Variants in GALNTL6 observed in about 807,000 individuals in gnomAD.
GALNTL6 encodes polypeptide N-acetylgalactosaminyltransferase like 6, also known as polypeptide N-acetylgalactosaminyltransferase-like 6.
A neutral mutation model predicts 73.7 loss-of-function variants in GALNTL6; 46 were observed. The observed-to-expected ratio is 0.62, with a 90% CI of 0.49 to 0.80. The LOEUF (loss-of-function observed/expected upper bound fraction) is 0.80, where lower values mean the gene tolerates loss of function less well. GALNTL6 is among the 30% of genes least tolerant of loss of function. The probability of loss-of-function intolerance (pLI) is 0.00; values close to 1 mark genes in which losing one functional copy is unlikely to be tolerated. For missense variants in GALNTL6, 604 were observed against 755.0 expected (o/e 0.80, Z 2.34); for synonymous variants, 259 against 263.7 (o/e 0.98, Z 0.17).
intron 7 of GALNTL6, among the ~76,000 whole-genome samples, chr4:172,822,570 G>C (rs1425548292): frequency 3.9e-5 from 6 of 152,072 alleles, no homozygotes; most frequent in Non-Finnish European, 7.4e-5. Context: ...TTGGACTTCT[G>C]ATCTCATTCT....
At position 171,945,786 on chromosome 4, in the gene GALNTL6, G is replaced by A. The variant is rs539916526; in HGVS notation, c.138+131068G>A. 7.9e-5 allele frequency among the ~76,000 whole-genome samples: 12 copies of A among 152,126 alleles called. No individual in the cohort carries two copies. In the East Asian group the frequency reaches 2.1e-3, roughly 27 times the overall value. On this transcript the variant is annotated intron_variant, in intron 2 of 12. Transcript: ENST00000506823. ...CCACATTTAATTGTTTTTCAGTCTG[G>A]CTTTTGATATCAGGCTCAAAATTTG...
At chr4:172,547,136 A>G (rs1275567917) in intron 5 of GALNTL6, among the ~76,000 whole-genome samples, 1 of 151,990 alleles carries the variant, frequency 6.6e-6, no homozygotes, top group Non-Finnish European at 1.5e-5. Context: ...CTGTTGTCAA[A>G]TCTTTGAGAT....
rs138308647 is a variant in GALNTL6 at position 172,711,789 on chromosome 4, T to C, written c.554-97572T>C. Among the ~76,000 whole-genome samples the C allele has an allele frequency of 3.4e-3, 523 of 152,238 alleles. 7 individuals carry two copies. Among genetic ancestry groups the C allele is most frequent in the African/African-American group, 0.012 (480 of 41,554 alleles). ...GCTAGAGACAGGCACAAAGTCAACA[T>C]ACATATGGTCTTAAAGTCTATTAAC... On this transcript the variant is annotated intron_variant, in intron 5 of 12. Coordinates refer to ENST00000506823, the MANE Select transcript of GALNTL6 (RefSeq NM_001034845.3).
At chr4:172,467,403 T>C (rs1289869035) in intron 5 of GALNTL6, among the ~76,000 whole-genome samples, 4 of 152,236 alleles carry the variant, frequency 2.6e-5, no homozygotes, top group African/African-American at 9.6e-5. Flanking sequence ...TGGGCTACCC[T>C]ATGCAACTGC....
intron 2 of GALNTL6, among the ~76,000 whole-genome samples, chr4:172,109,590 C>T (rs1218715714): frequency 6.6e-6 from 1 of 152,176 alleles, no homozygotes; most frequent in Non-Finnish European, 1.5e-5. Context: ...TTTTTGCATT[C>T]CCACAGACAA....
At chr4:172,960,871 G>T (rs915421070) in intron 10 of GALNTL6, among the ~76,000 whole-genome samples, 25 of 152,114 alleles carry the variant, frequency 1.6e-4, no homozygotes, top group African/African-American at 6.0e-4. Flanking sequence ...AGGAGGAATG[G>T]AGGGTGGAAG....
At chr4:172,245,989 T>G (rs1282830202) in intron 3 of GALNTL6, among the ~76,000 whole-genome samples, 1 of 152,148 alleles carries the variant, frequency 6.6e-6, no homozygotes, top group Non-Finnish European at 1.5e-5. Flanking sequence ...GAGCATCCTC[T>G]GGAAAGCTAG....
chr4:172,258,020 G>T (rs1358144032), intron 3 of GALNTL6, among the ~76,000 whole-genome samples: 3 of 151,224 alleles, frequency 2.0e-5, no homozygotes, highest in Non-Finnish European at 4.4e-5. Context: ...TCAGTATTTA[G>T]TCAAGAATGA....
At chr4:173,017,291 T>C (rs1257416117) in intron 11 of GALNTL6, among the ~76,000 whole-genome samples, 1 of 152,110 alleles carries the variant, frequency 6.6e-6, no homozygotes, top group Non-Finnish European at 1.5e-5. Flanking sequence ...CTGAGGAATT[T>C]AAGGTTGAAA....
At chr4:172,800,111 G>T (rs560917700) in intron 5 of GALNTL6, among the ~76,000 whole-genome samples, 58 of 152,230 alleles carry the variant, frequency 3.8e-4, no homozygotes, top group African/African-American at 1.1e-3. Context: ...CTGAAGCTGG[G>T]GGGGAGAGAG....
chr4:171,860,407 A>G (rs1735802245), intron 2 of GALNTL6, among the ~76,000 whole-genome samples: 1 of 152,168 alleles, frequency 6.6e-6, no homozygotes, highest in Non-Finnish European at 1.5e-5. Context: ...AAATAATAGG[A>G]CCTAGAGTCA....
chr4:172,555,326 A>C lies in GALNTL6; in HGVS notation c.553+206637A>C, dbSNP rs555979002. Among the ~76,000 whole-genome samples the C allele has an allele frequency of 1.3e-3, 203 of 152,266 alleles. 1 individual carries two copies. In the Middle Eastern group the frequency reaches 0.014, roughly 10 times the overall value. ...TACATCTGGAATATTGCTATTTGAG[A>C]ACACTAAGAATTTCTAGGTAACTCT... is the stretch of plus-strand genomic sequence containing the variant. On this transcript the variant is annotated intron_variant, in intron 5 of 12. Coordinates refer to ENST00000506823, the MANE Select transcript of GALNTL6 (RefSeq NM_001034845.3).
intron 5 of GALNTL6, among the ~76,000 whole-genome samples, chr4:172,659,254 C>T (rs1185122919): frequency 1.3e-5 from 2 of 151,586 alleles, no homozygotes; most frequent in African/African-American, 2.4e-5. Context: ...TTTATGTATG[C>T]TCTGTTGAAC....
At chr4:172,529,732 A>G (rs1280910000) in intron 5 of GALNTL6, among the ~76,000 whole-genome samples, 1 of 151,602 alleles carries the variant, frequency 6.6e-6, no homozygotes, top group Non-Finnish European at 1.5e-5. Context: ...GTCACCCAGG[A>G]TGGAGTGTAA....
intron 2 of GALNTL6, among the ~76,000 whole-genome samples, chr4:172,106,431 T>C (rs1211958926): frequency 6.6e-6 from 1 of 152,176 alleles, no homozygotes; most frequent in Non-Finnish European, 1.5e-5. Flanking sequence ...TTAATCTATG[T>C]AATAAACATG....
intron 4 of GALNTL6, among the ~76,000 whole-genome samples, chr4:172,332,171 G>A (rs1323441271): frequency 6.6e-6 from 1 of 151,836 alleles, no homozygotes; most frequent in African/African-American, 2.4e-5. Flanking sequence ...GTCTTCCTTG[G>A]ATGAATGTTT....
chr4:172,348,356 A>T (rs183371774), intron 4 of GALNTL6, among the ~76,000 whole-genome samples, 167 bp from the exon 5 acceptor site: 1 of 152,362 alleles, frequency 6.6e-6, no homozygotes, highest in East Asian at 1.9e-4. Flanking sequence ...TCATTAATGC[A>T]TTCCGTGAAG....
chr4:172,192,382 AG>A (rs1402065589), intron 2 of GALNTL6, among the ~76,000 whole-genome samples: 2 of 152,128 alleles, frequency 1.3e-5, no homozygotes, highest in African/African-American at 4.8e-5. Flanking sequence ...GAAATTCAGG[AG>A]GGACCCAGAT....
chr4:172,727,726 T>G (rs904505586), intron 5 of GALNTL6, among the ~76,000 whole-genome samples: 4 of 152,156 alleles, frequency 2.6e-5, no homozygotes, highest in Non-Finnish European at 5.9e-5. Flanking sequence ...CCATTATGTG[T>G]ATTAATAAGA....
Sources: gnomAD v4.1 joint callset for allele counts (sites outside exome capture counted in the v4.1 genomes callset) on GRCh38, gnomAD v4.1.1 for gene constraint, MANE v1.5 for transcripts, NCBI Gene and HGNC (gene_info 2026-07-23, HGNC 2026-07-21) for gene names.